KBTBD4: variants seen among roughly 807,000 people sequenced by gnomAD.
KBTBD4 encodes kelch repeat and BTB domain containing 4.
In KBTBD4, 30 loss-of-function variants were observed where a neutral mutation model predicts 43.9. The ratio of observed to expected loss-of-function variants is 0.68; its 90% CI spans 0.51 to 0.93. The LOEUF (loss-of-function observed/expected upper bound fraction) is 0.93, where lower values mean the gene tolerates loss of function less well. KBTBD4 is among the 40% of genes least tolerant of loss of function. The pLI, the probability that KBTBD4 is intolerant of heterozygous loss-of-function variation, is 0.00. For synonymous variants in KBTBD4, 258 were observed against 256.9 expected (o/e 1.00, Z -0.04); for missense variants, 575 against 668.8 (o/e 0.86, Z 1.55).
chr11:47,575,929 C>T (rs2097258526), intron 2 of KBTBD4, among the ~76,000 whole-genome samples: 1 of 149,040 alleles, frequency 6.7e-6, no homozygotes, highest in Non-Finnish European at 1.5e-5. Flanking sequence ...CAATCACCAT[C>T]ACCATAGCCT....
chr11:47,577,504 C>A lies in KBTBD4; in HGVS notation c.544G>T (p.Ala182Ser). Residue 182 changes from alanine to serine, a missense_variant, in exon 2 of 4, where the codon GCC (alanine) becomes TCC (serine). Transcript: ENST00000430070. ...AGGTGGGTCTTGGCACAGTGCTTGG[C>A]AGCCGTATAGAGCTCAGGATCACTG... ...RHSDPELYTA[A>S]KHCAKTHLAQ... The A allele has an allele frequency of 6.2e-7, 1 of 1,614,150 alleles. No individual in the cohort carries two copies. Among genetic ancestry groups the A allele is most frequent in the Non-Finnish European group, 8.5e-7 (1 of 1,180,026 alleles).
intron 3 of KBTBD4, among the ~76,000 whole-genome samples, chr11:47,574,719 T>G (rs2097255898): frequency 6.6e-6 from 1 of 150,686 alleles, no homozygotes; most frequent in African/African-American, 2.5e-5. Context: ...CTGGGCGTGG[T>G]CGTGGGCGCC....
At chr11:47,578,369 A>G (rs576983658) in intron 1 of KBTBD4, 9 of 564,794 alleles carry the variant, frequency 1.6e-5, no homozygotes, top group African/African-American at 1.3e-4. Flanking sequence ...CTGTGATCGT[A>G]AAAGCCTTAC....
rs2097250627 is a variant in KBTBD4 at position 47,572,401 on chromosome 11, A to AC, written c.*528dup. 1 of 153,432 alleles carries AC rather than the reference A, an allele frequency of 6.5e-6. No homozygotes were observed. Among genetic ancestry groups the AC allele is most frequent in the African/African-American group, 2.4e-5 (1 of 41,476 alleles). The allele number at this position is 153,432 out of a possible 1,614,324, so 9.5% of individuals were successfully genotyped here. A position where few individuals can be genotyped will look rare whatever the true frequency, so the allele number is the denominator to read the frequency against. The stretch of plus-strand genomic sequence containing the variant: ...CATTTCCTGACAGATGGATAAGAAA[A>AC]CAATAGAAGGAACATCCTGAATTCT... On this transcript the variant is annotated 3_prime_UTR_variant, in exon 4 of 4. Transcript: ENST00000430070.
chr11:47,576,812 G>C (rs1170417351), intron 2 of KBTBD4, among the ~76,000 whole-genome samples: 1 of 151,944 alleles, frequency 6.6e-6, no homozygotes, highest in Non-Finnish European at 1.5e-5. Context: ...AAGTAGCTGA[G>C]ACTACAGGTG....
In KBTBD4 at chr11:47,578,948, T is replaced by C; in HGVS notation, c.4A>G (p.Lys2Glu). M[K>E]GGNADSWQRE... ...GCTTTCTCACCTGCGTTCCCTCCTTTCATCCCGGAGCCCGGAACCTCCGCT... is the reference window on the plus strand; with the variant it reads ...GCTTTCTCACCTGCGTTCCCTCCTTCCATCCCGGAGCCCGGAACCTCCGCT... Residue 2 changes from lysine (K) to glutamate (E), a missense_variant, in exon 1 of 4, where the codon AAA becomes GAA. Coordinates refer to ENST00000430070, the MANE Select transcript of KBTBD4 (RefSeq NM_018095.6). 1 of 1,551,764 alleles carries C rather than the reference T, an allele frequency of 6.4e-7. No individual in the cohort carries two copies. Among genetic ancestry groups the C allele is most frequent in the Non-Finnish European group, 8.7e-7 (1 of 1,147,022 alleles).
At chr11:47,578,875 A>C (rs2097265583) in intron 1 of KBTBD4, 58 bp downstream of exon 1, 1 of 1,550,980 alleles carries the variant, frequency 6.4e-7, no homozygotes, top group Non-Finnish European at 8.7e-7. Flanking sequence ...CTCTGCCACA[A>C]GGAGCTAGGA....
Position 47,573,303 on chromosome 11 carries a change from T to A in KBTBD4, c.1232A>T (p.Lys411Ile). ...AAAGCACTGGATGAGTCGGGAAGGT[T>A]TGGTAAAGAAGTCCAGATCATTCTC... Reference protein sequence around the residue: ...GEENDLDFFTKPSRLIQCFDT... With the variant: ...GEENDLDFFTIPSRLIQCFDT... The change falls in exon 4 of 4, where the codon AAA (lysine) becomes ATA (isoleucine). Residue 411 changes from lysine (K) to isoleucine (I), a missense_variant. Physicochemically the swap from Lys to Ile is moderately radical, Grantham distance 102. Transcript: ENST00000430070. The surrounding 1 kb of genome is among the most constrained non-coding windows in gnomAD (Gnocchi z 4.1). The A allele has an allele frequency of 6.2e-7, 1 of 1,614,114 alleles. No homozygotes were observed. The highest frequency in any genetic ancestry group is 1.1e-5 in the South Asian group (1 of 91,078).
In KBTBD4 at chr11:47,577,757, G is replaced by A. The variant is rs747496830; in HGVS notation, c.291C>T (p.Ala97=). 1.1e-4 allele frequency: 172 copies of A among 1,614,140 alleles called. 2 individuals are homozygous for A. The South Asian group carries it at 1.5e-3, about 14-fold the overall frequency. Reference sequence around the variant, plus strand: ...CCTGCAGCACAATCACCCGGTTGTGGGCCTCCTTCAGGTTGGAAGTGAACA... The same window carrying A: ...CCTGCAGCACAATCACCCGGTTGTGAGCCTCCTTCAGGTTGGAAGTGAACA... The part of the protein sequence containing the change: ...RSMFTSNLKE[A]HNRVIVLQDV... The change falls in exon 2 of 4, where the codon GCC becomes GCT. Residue 97 remains alanine, a synonymous_variant. Coordinates refer to ENST00000430070, the MANE Select transcript of KBTBD4 (RefSeq NM_018095.6).
chr11:47,576,357 G>A (rs979544431), intron 2 of KBTBD4: 1 of 150,852 alleles, frequency 6.6e-6, no homozygotes, highest in Non-Finnish European at 1.5e-5. Flanking sequence ...CACCATGTTA[G>A]CCAGGATGGC....
rs927256833 is a variant in KBTBD4, at chr11:47,572,507, C to T, written c.*423G>A. The stretch of plus-strand genomic sequence containing the variant: ...AAGCCTGAAGGAAAACTCTTAACAC[C>T]TAATTCTTTGTGGAAAAATGATCAA... On this transcript the variant is annotated 3_prime_UTR_variant, in exon 4 of 4. Coordinates refer to ENST00000430070, the MANE Select transcript of KBTBD4 (RefSeq NM_018095.6). 5 of 172,686 alleles carry T rather than the reference C, an allele frequency of 2.9e-5. No homozygotes were observed. In the South Asian group the frequency reaches 6.1e-4, roughly 21 times the overall value. The allele number at this position is 172,686 out of a possible 1,614,324, so 10.7% of individuals were successfully genotyped here.
intron 3 of KBTBD4, among the ~76,000 whole-genome samples, chr11:47,574,638 T>C (rs2097255803): frequency 6.6e-6 from 1 of 151,632 alleles, no homozygotes; most frequent in African/African-American, 2.4e-5. Context: ...GTGGATCACC[T>C]GAGGTCAGGA....
intron 1 of KBTBD4, chr11:47,578,693 G>C (rs1408685754): frequency 8.4e-7 from 1 of 1,189,896 alleles, no homozygotes; most frequent in Admixed American, 2.4e-5. Context: ...ACCTTGAGTC[G>C]TCTTGGAAAC....
intron 1 of KBTBD4, chr11:47,578,527 T>G (rs1156669219): frequency 1.5e-6 from 1 of 662,290 alleles, no homozygotes; most frequent in East Asian, 2.7e-5. Context: ...GCCTGGGATA[T>G]CCGTGGGTCT....
intron 2 of KBTBD4, among the ~76,000 whole-genome samples, chr11:47,576,928 C>G (rs933299053): frequency 1.3e-5 from 2 of 152,086 alleles, no homozygotes; most frequent in African/African-American, 4.8e-5. Flanking sequence ...CCACCCACCT[C>G]GGCCTCCCAA....
chr11:47,575,851 TA>T lies in KBTBD4; in HGVS notation c.638-153del. ...CATACACATATACATGAAATTAACC[TA>T]AAATTGCTTTTTTTTTTTTTTTGAG... On this transcript the variant is annotated intron_variant, in intron 2 of 3. Coordinates refer to ENST00000430070, the MANE Select transcript of KBTBD4 (RefSeq NM_018095.6). The T allele has an allele frequency of 7.6e-6, 3 of 393,556 alleles. No homozygotes were observed. In the South Asian group the frequency reaches 1.1e-4, roughly 14 times the overall value. The allele number at this position is 393,556 out of a possible 1,614,324, so 24.4% of individuals were successfully genotyped here.
rs745403900 is a variant in KBTBD4 at position 47,573,582 on chromosome 11, T to C, written c.953A>G (p.Asn318Ser). 15 of 1,614,188 alleles carry C rather than the reference T, an allele frequency of 9.3e-6. No individual in the cohort carries two copies. Among genetic ancestry groups the C allele is most frequent in the Admixed American group, 3.3e-5 (2 of 60,016 alleles). The change falls in exon 4 of 4, where the codon AAC becomes AGC. Residue 318 changes from asparagine to serine, a missense_variant. By Grantham distance (46) the Asn-to-Ser change is conservative. Transcript: ENST00000430070. The surrounding 1 kb of genome is among the most constrained non-coding windows in gnomAD (Gnocchi z 4.1). The stretch of plus-strand genomic sequence containing the variant: ...CCACTCCCAGTCAACGGTGGCATTG[T>C]TGCACTTCCACATGCGCCGTGGGAT... ...GSIPRRMWKC[N>S]NATVDWEWCA...
At position 47,572,923 on chromosome 11, in the gene KBTBD4, C is replaced by T. The variant is rs957978853; in HGVS notation, c.*7G>A. ...GAGTGAGCAGTTCTCCTCCCCTCCC[C>T]ACAGCCTTAGGCCAACACAAACTGC... On this transcript the variant is annotated 3_prime_UTR_variant, in exon 4 of 4. Transcript: ENST00000430070. 24 of 1,606,034 alleles carry T rather than the reference C, an allele frequency of 1.5e-5. No individual in the cohort carries two copies. Among genetic ancestry groups the T allele is most frequent in the Non-Finnish European group, 1.9e-5 (22 of 1,174,358 alleles).
At chr11:47,578,179 C>T (rs2097263852) in intron 1 of KBTBD4, 151 bp from the exon 2 acceptor site, 2 of 768,114 alleles carry the variant, frequency 2.6e-6, no homozygotes, top group Non-Finnish European at 2.1e-6. Flanking sequence ...ATGTCCCTGA[C>T]GCTATCCTTT....
Sources: gnomAD v4.1 joint callset for allele counts (sites outside exome capture counted in the v4.1 genomes callset) on GRCh38, gnomAD v4.1.1 for gene constraint, Gnocchi (gnomAD v3.1) non-coding constraint, MANE v1.5 for transcripts, NCBI Gene and HGNC (gene_info 2026-07-23, HGNC 2026-07-21) for gene names.